The following KLRD1 variants were observed in gnomAD, a reference collection of about 807,000 sequenced individuals.
KLRD1 encodes natural killer cells antigen CD94.
Under a neutral mutation model 22.6 loss-of-function variants are expected in KLRD1, and 21 were observed. The ratio of observed to expected loss-of-function variants is 0.93; its 90% CI spans 0.66 to 1.34. The LOEUF (loss-of-function observed/expected upper bound fraction) is 1.34. Ranked by LOEUF, KLRD1 falls within the 40% of genes most tolerant of loss-of-function variation. The pLI, the probability that KLRD1 is intolerant of heterozygous loss-of-function variation, is 0.00. For synonymous variants in KLRD1, 59 were observed against 71.1 expected (o/e 0.83, Z 0.85); for missense variants, 183 against 208.6 (o/e 0.88, Z 0.76).
chr12:10,298,618 A>G (rs1949841666), intron 1 of KLRD1, among the ~76,000 whole-genome samples: 1 of 152,236 alleles, frequency 6.6e-6, no homozygotes, highest in Non-Finnish European at 1.5e-5. Context: ...AATGAGAGCA[A>G]GGAATACCTG....
Position 10,327,797 on chromosome 12 carries a change from T to G in KLRD1, c.*13004T>G, listed in dbSNP as rs541709420. On this transcript the variant is annotated 3_prime_UTR_variant, in exon 6 of 6. Transcript: ENST00000336164. Reference sequence around the variant, plus strand: ...CCATAGCATGATATTAGCTATGCACTTTACATATAGGGCCTTCAAAATGTT... The same window carrying G: ...CCATAGCATGATATTAGCTATGCACGTTACATATAGGGCCTTCAAAATGTT... The G allele has an allele frequency of 1.2e-4, 18 of 152,326 alleles. No homozygotes were observed. In the East Asian group the frequency reaches 3.1e-3, roughly 26 times the overall value. 9.4% of individuals were successfully genotyped at this position (152,326 alleles called of 1,614,324 possible).
chr12:10,281,794 A>T (rs538034688), intron 1 of KLRD1, among the ~76,000 whole-genome samples: 1 of 152,316 alleles, frequency 6.6e-6, no homozygotes, highest in African/African-American at 2.4e-5. Context: ...CTAAGAGACG[A>T]TTATCTGAGA....
upstream of KLRD1, among the ~76,000 whole-genome samples, chr12:10,306,169 CAAACAAACAA>C (rs766085715): frequency 1.2e-3 from 184 of 151,684 alleles, 2 homozygotes; most frequent in East Asian, 1.9e-3. Context: ...TCTCAAAAAA[CAAACAAACAA>C]AAACAAACAA....
chr12:10,291,248 C>G (rs1336919128), intron 1 of KLRD1, among the ~76,000 whole-genome samples: 1 of 152,126 alleles, frequency 6.6e-6, no homozygotes, highest in Non-Finnish European at 1.5e-5. Flanking sequence ...GCTGACTGAT[C>G]AGGGTGGTGG....
Position 10,239,453 on chromosome 12 carries a change from C to T in KLRD1, c.-101+13220C>T, listed in dbSNP as rs796417593. Among the ~76,000 whole-genome samples, 157 of 21,996 alleles carry T rather than the reference C, an allele frequency of 7.1e-3. 14 individuals are homozygous for T. In the East Asian group the frequency reaches 0.11, roughly 15 times the overall value. The allele number at this position is 21,996 out of a possible 152,430, so 14.4% of individuals were successfully genotyped here. ...CCTTCCTTTCCTTCCTTCCTTCCTT[C>T]CTTCCTTCCTTCCTTCCTTCCTTCC... On this transcript the variant is annotated intron_variant, in intron 1 of 5. Transcript: ENST00000544747.
chr12:10,239,814 G>T (rs1456826716), intron 1 of KLRD1, among the ~76,000 whole-genome samples: 13 of 151,526 alleles, frequency 8.6e-5, no homozygotes, highest in African/African-American at 3.2e-4. Context: ...GCTAATTTTT[G>T]TATTTTTACT....
intron 1 of KLRD1, among the ~76,000 whole-genome samples, chr12:10,299,396 G>T (rs1022455157): frequency 6.6e-6 from 1 of 152,088 alleles, no homozygotes; most frequent in African/African-American, 2.4e-5. Flanking sequence ...GCAAACCTTG[G>T]AGATATTATG....
In KLRD1 at chr12:10,260,358, G is replaced by C. The variant is rs115825344; in HGVS notation, c.-101+34125G>C. Among the ~76,000 whole-genome samples, 485 of 151,230 alleles carry C rather than the reference G, an allele frequency of 3.2e-3. 3 individuals carry two copies. The highest frequency in any genetic ancestry group is 7.7e-3 in the African/African-American group (315 of 41,144). On this transcript the variant is annotated intron_variant, in intron 1 of 5. Coordinates refer to the KLRD1 transcript ENST00000544747. ...TTCTGTTTGTCTTTTTTTTTCAACA[G>C]TTATATATGATACACCTAACTTGTC...
intron 1 of KLRD1, among the ~76,000 whole-genome samples, chr12:10,276,887 G>C (rs893734656): frequency 6.6e-6 from 1 of 152,088 alleles, no homozygotes; most frequent in Non-Finnish European, 1.5e-5. Context: ...TTAGTGACAA[G>C]AGATGATGAA....
upstream of KLRD1, among the ~76,000 whole-genome samples, chr12:10,300,122 T>G (rs1949854721): frequency 6.6e-6 from 1 of 152,226 alleles, no homozygotes; most frequent in South Asian, 2.1e-4. Context: ...TAGTGTTGTA[T>G]TTTTGACTTC....
In KLRD1 at chr12:10,329,367, C is replaced by T. The variant is rs1395794716; in HGVS notation, c.*14574C>T. ...CATTCCCTTGATGCTGTAAAAGATA[C>T]TTGATATGACTTCAATTTTCTTAAT... is the stretch of plus-strand genomic sequence containing the variant. On this transcript the variant is annotated 3_prime_UTR_variant, in exon 6 of 6. Coordinates refer to ENST00000336164, the MANE Select transcript of KLRD1 (RefSeq NM_002262.5). 1.3e-5 allele frequency: 2 copies of T among 152,156 alleles called. No homozygotes were observed. Among genetic ancestry groups the T allele is most frequent in the African/African-American group, 4.8e-5 (2 of 41,438 alleles). 9.4% of individuals were successfully genotyped at this position (152,156 alleles called of 1,614,324 possible). A position where few individuals can be genotyped will look rare whatever the true frequency, so the allele number is the denominator to read the frequency against.
chr12:10,314,915 G>C lies in KLRD1; in HGVS notation c.*122G>C. 1 of 888,984 alleles carries C rather than the reference G, an allele frequency of 1.1e-6. No homozygotes were observed. The highest frequency in any genetic ancestry group is 1.7e-6 in the Non-Finnish European group (1 of 593,302). 55.1% of individuals were successfully genotyped at this position (888,984 alleles called of 1,614,324 possible). On this transcript the variant is annotated 3_prime_UTR_variant, in exon 6 of 6. Transcript: ENST00000336164. ...AGTCTATAAAATGTTTTTAAACAGT[G>C]TCATATACAATTGTCATGTATGTGA... is the stretch of plus-strand genomic sequence containing the variant.
chr12:10,283,721 G>A (rs1949669042), intron 1 of KLRD1, among the ~76,000 whole-genome samples: 2 of 152,152 alleles, frequency 1.3e-5, no homozygotes, highest in South Asian at 4.1e-4. Flanking sequence ...TGGAGGTGGT[G>A]AAACATGTGT....
At chr12:10,271,555 TA>T (rs539335039) in intron 1 of KLRD1, among the ~76,000 whole-genome samples, 85 of 152,320 alleles carry the variant, frequency 5.6e-4, no homozygotes, top group African/African-American at 1.9e-3. Context: ...TCTAGAGTTT[TA>T]AATGGTTTTT....
chr12:10,312,285 C>T (rs187715332), intron 4 of KLRD1, among the ~76,000 whole-genome samples: 9 of 152,156 alleles, frequency 5.9e-5, no homozygotes, highest in Non-Finnish European at 8.8e-5. Flanking sequence ...CTCCTGACCT[C>T]GGGTGATCTA....
chr12:10,306,216 CAGAA>C (rs375116996), upstream of KLRD1, among the ~76,000 whole-genome samples: 60 of 151,724 alleles, frequency 4.0e-4, no homozygotes, highest in African/African-American at 1.4e-3. Context: ...GTTGGCAGCT[CAGAA>C]AGAGTTAAAG....
chr12:10,326,559 C>T lies in KLRD1; in HGVS notation c.*11766C>T, dbSNP rs1202962031. On this transcript the variant is annotated 3_prime_UTR_variant, in exon 6 of 6. Coordinates refer to ENST00000336164, the MANE Select transcript of KLRD1 (RefSeq NM_002262.5). ...GGAAGCAAGGAGGGGGCTTCCAGGT[C>T]ACAGGTAAGAGACAAATGGTTGCAC... The T allele has an allele frequency of 1.3e-5, 2 of 152,206 alleles. No homozygotes were observed. The highest frequency in any genetic ancestry group is 2.9e-5 in the Non-Finnish European group (2 of 68,072). 9.4% of individuals were successfully genotyped at this position (152,206 alleles called of 1,614,324 possible). A position where few individuals can be genotyped will look rare whatever the true frequency, so the allele number is the denominator to read the frequency against.
chr12:10,241,803 C>A (rs755151614), intron 1 of KLRD1, among the ~76,000 whole-genome samples: 19 of 152,108 alleles, frequency 1.2e-4, no homozygotes, highest in Admixed American at 3.3e-4. Context: ...TGTATATGCA[C>A]ACATTCACAT....
rs576295565 is a variant in KLRD1 at position 10,317,914 on chromosome 12, G to A, written c.*3121G>A. On this transcript the variant is annotated 3_prime_UTR_variant, in exon 6 of 6. Coordinates refer to ENST00000336164, the MANE Select transcript of KLRD1 (RefSeq NM_002262.5). Reference sequence around the variant, plus strand: ...CAGAAAGGAGACGTGCTGAGCAAAAGGAAAAATACCCTCTTATTAAATCAT... The same window carrying A: ...CAGAAAGGAGACGTGCTGAGCAAAAAGAAAAATACCCTCTTATTAAATCAT... The A allele has an allele frequency of 6.6e-6, 1 of 152,218 alleles. No homozygotes were observed. Among genetic ancestry groups the A allele is most frequent in the South Asian group, 2.1e-4 (1 of 4,814 alleles). 9.4% of individuals were successfully genotyped at this position (152,218 alleles called of 1,614,324 possible). A position where few individuals can be genotyped will look rare whatever the true frequency, so the allele number is the denominator to read the frequency against.
Sources: gnomAD v4.1 joint callset for allele counts (sites outside exome capture counted in the v4.1 genomes callset) on GRCh38, gnomAD v4.1.1 for gene constraint, MANE v1.5 for transcripts, NCBI Gene and HGNC (gene_info 2026-07-23, HGNC 2026-07-21) for gene names.